The following LRGUK variants were observed in gnomAD, a reference collection of about 807,000 sequenced individuals.
LRGUK encodes the protein leucine rich repeats and guanylate kinase domain containing, also known as leucine-rich repeat and guanylate kinase domain-containing protein.
A neutral mutation model predicts 76.0 loss-of-function variants in LRGUK; 65 were observed. The ratio of observed to expected loss-of-function variants is 0.85; its 90% CI spans 0.70 to 1.05. LRGUK has a LOEUF of 1.05. Ranked by LOEUF, LRGUK falls within the 50% of genes least tolerant of loss-of-function variation. The pLI, the probability that LRGUK is intolerant of heterozygous loss-of-function variation, is 0.00. For missense variants in LRGUK, 758 were observed against 732.8 expected (o/e 1.03, Z -0.40); for synonymous variants, 268 against 265.6 (o/e 1.01, Z -0.09).
intron 15 of LRGUK, among the ~76,000 whole-genome samples, chr7:134,207,509 G>C (rs768127359): frequency 6.6e-6 from 1 of 152,236 alleles, no homozygotes; most frequent in Non-Finnish European, 1.5e-5. Context: ...TGCACCAAGA[G>C]GGAAGCCTTT....
intron 16 of LRGUK, among the ~76,000 whole-genome samples, chr7:134,234,275 C>T (rs960324444): frequency 1.3e-5 from 2 of 151,988 alleles, no homozygotes; most frequent in African/African-American, 4.8e-5. Context: ...TTCCCAGTCT[C>T]TTGGTGATGT....
At chr7:134,260,648 A>G (rs1373320338) in intron 19 of LRGUK, among the ~76,000 whole-genome samples, 1 of 152,028 alleles carries the variant, frequency 6.6e-6, no homozygotes, top group Non-Finnish European at 1.5e-5. Flanking sequence ...TTGCTTTTAA[A>G]TGTTTTAATT....
At chr7:134,273,419 G>C in the LRGUK span, among the ~76,000 whole-genome samples, 1 of 152,070 alleles carries the variant, frequency 6.6e-6, no homozygotes, top group Non-Finnish European at 1.5e-5. Context: ...GTGCATAACA[G>C]ACTCTTTATA....
chr7:134,192,201 T>C (rs986642904), intron 12 of LRGUK, among the ~76,000 whole-genome samples: 2 of 152,200 alleles, frequency 1.3e-5, no homozygotes, highest in Non-Finnish European at 2.9e-5. Context: ...TGCTTTCTAA[T>C]TGTTACAACC....
intron 5 of LRGUK, among the ~76,000 whole-genome samples, chr7:134,157,650 G>A (rs1049165994): frequency 1.3e-5 from 2 of 152,154 alleles, no homozygotes; most frequent in Non-Finnish European, 2.9e-5. Context: ...AGCCTCCCGA[G>A]TAGCTGGGAC....
intron 18 of LRGUK, among the ~76,000 whole-genome samples, chr7:134,253,261 A>G (rs1460965431): frequency 6.6e-6 from 1 of 152,228 alleles, no homozygotes; most frequent in Non-Finnish European, 1.5e-5. Context: ...CTATGAATAC[A>G]AAGCTTAATA....
intron 5 of LRGUK, among the ~76,000 whole-genome samples, chr7:134,150,169 G>C: frequency 6.6e-6 from 1 of 152,076 alleles, no homozygotes; most frequent in Non-Finnish European, 1.5e-5. Flanking sequence ...CAGCTACTTG[G>C]GAGGCTGAGG....
intron 7 of LRGUK, among the ~76,000 whole-genome samples, chr7:134,170,148 T>C (rs2116963407): frequency 6.6e-6 from 1 of 152,232 alleles, no homozygotes; most frequent in South Asian, 2.1e-4. Context: ...CTTAGTTTTC[T>C]TTTTAGAAAT....
intron 1 of LRGUK, among the ~76,000 whole-genome samples, chr7:134,127,867 A>G (rs1245022479): frequency 6.6e-6 from 1 of 151,932 alleles, no homozygotes; most frequent in Non-Finnish European, 1.5e-5. Context: ...ATAGCTCTAA[A>G]TAGTTCCTTT....
chr7:134,150,091 T>C lies in LRGUK; in HGVS notation c.670+1772T>C, dbSNP rs542688436. Among the ~76,000 whole-genome samples the C allele has an allele frequency of 5.9e-5, 9 of 151,938 alleles. No individual in the cohort carries two copies. The East Asian group carries it at 1.4e-3, about 23-fold the overall frequency. On this transcript the variant is annotated intron_variant, in intron 5 of 15. Coordinates refer to ENST00000645682, the Ensembl canonical transcript of LRGUK. ...GAGATTGAGAACATCCTGGCTAACATGGTGAAACCCCGTCTCTACTAAAAA... is the reference window on the plus strand; with the variant it reads ...GAGATTGAGAACATCCTGGCTAACACGGTGAAACCCCGTCTCTACTAAAAA...
At chr7:134,258,800 G>C (rs766346194) in intron 19 of LRGUK, among the ~76,000 whole-genome samples, 1 of 151,982 alleles carries the variant, frequency 6.6e-6, no homozygotes, top group Non-Finnish European at 1.5e-5. Context: ...TATTGATCCT[G>C]ATTTTTGAAA....
At chr7:134,147,787 T>C (rs10453018) in intron 4 of LRGUK, among the ~76,000 whole-genome samples, 19,703 of 151,844 alleles carry the variant, frequency 0.13, 1,624 homozygotes, top group East Asian at 0.33. Context: ...AATGATCGGG[T>C]GTGGTGGCTC....
chr7:134,241,296 T>C (rs1021213328), intron 16 of LRGUK, among the ~76,000 whole-genome samples: 1 of 152,086 alleles, frequency 6.6e-6, no homozygotes, highest in African/African-American at 2.4e-5. Context: ...GTGTGCTGTA[T>C]TCAGGAGACC....
chr7:134,142,637 T>G (rs1025457773), intron 3 of LRGUK, among the ~76,000 whole-genome samples: 9 of 152,252 alleles, frequency 5.9e-5, no homozygotes, highest in African/African-American at 2.2e-4. Context: ...ATTTCCACTC[T>G]TTATGAAAAG....
At chr7:134,136,339 A>C (rs1222401) in intron 1 of LRGUK, among the ~76,000 whole-genome samples, 1 of 152,204 alleles carries the variant, frequency 6.6e-6, no homozygotes. Flanking sequence ...TAAAAATCTT[A>C]TACATTTTAT....
intron 11 of LRGUK, among the ~76,000 whole-genome samples, chr7:134,189,313 A>C (rs1800101791): frequency 6.6e-6 from 1 of 152,204 alleles, no homozygotes; most frequent in African/African-American, 2.4e-5. Flanking sequence ...TTTGTCTAGA[A>C]TTTGGTATCA....
At position 134,127,420 on chromosome 7, in the gene LRGUK, G is replaced by C. The variant is rs143684679; in HGVS notation, c.53G>C (p.Arg18Thr). ...AGGACCAGAGCTGCCTCTCTCCTGA[G>C]AGGCTTGGGCAGATCCCGAACTGGA... The change falls in exon 1 of 16, where the codon AGA becomes ACA. Residue 18 changes from arginine (R) to threonine (T), a missense_variant. By Grantham distance (71) the Arg-to-Thr change is moderately conservative. Transcript: ENST00000645682. 2.9e-4 allele frequency: 460 copies of C among 1,613,872 alleles called. 3 individuals carry two copies. In the African/African-American group the frequency reaches 5.6e-3, roughly 20 times the overall value.
chr7:134,198,148 TCTTA>T (rs1301861729), intron 13 of LRGUK, among the ~76,000 whole-genome samples: 2 of 152,236 alleles, frequency 1.3e-5, no homozygotes, highest in African/African-American at 2.4e-5. Flanking sequence ...ATATTTCCAA[TCTTA>T]CTTCTCAGTG....
At chr7:134,228,792 A>G (rs400984) in intron 16 of LRGUK, among the ~76,000 whole-genome samples, 15,674 of 152,132 alleles carry the variant, frequency 0.1, 2,011 homozygotes, top group African/African-American at 0.3. Flanking sequence ...CAGATTATCA[A>G]ATTTTGATGA....
Sources: allele counts gnomAD v4.1 joint callset (sites outside exome capture counted in the v4.1 genomes callset), GRCh38; gene constraint gnomAD v4.1.1; transcripts MANE v1.5; gene names NCBI Gene and HGNC (gene_info 2026-07-23, HGNC 2026-07-21).